RNF20: variants seen among roughly 807,000 people sequenced by gnomAD.
RNF20 encodes E3 ubiquitin-protein ligase BRE1A.
A neutral mutation model predicts 126.2 loss-of-function variants in RNF20; 84 were observed. The observed-to-expected ratio is 0.67, with a 90% CI of 0.56 to 0.80. The LOEUF (loss-of-function observed/expected upper bound fraction) is 0.80, where lower values mean the gene tolerates loss of function less well. Among genes scored for constraint, RNF20 ranks in the 30% least tolerant of loss-of-function variants. RNF20 has a pLI of 0.00. For missense variants in RNF20, 869 were observed against 1,188.2 expected (o/e 0.73, Z 3.95); for synonymous variants, 400 against 414.3 (o/e 0.97, Z 0.42).
At chr9:101,552,807 TC>T in intron 13 of RNF20, 54 bp downstream of exon 13, 1 of 1,501,990 alleles carries the variant, frequency 6.7e-7, no homozygotes, top group Non-Finnish European at 9.0e-7. Flanking sequence ...GATTAAGACA[TC>T]ATGCATGAAA....
intron 18 of RNF20, 138 bp downstream of exon 18, chr9:101,561,368 A>G (rs1827626552): frequency 2.2e-6 from 2 of 900,060 alleles, no homozygotes; most frequent in South Asian, 3.3e-5. Context: ...GAAGAGAGTA[A>G]GTCTGTTTTC....
intron 5 of RNF20, among the ~76,000 whole-genome samples, chr9:101,541,217 G>T (rs571903381): frequency 6.8e-4 from 103 of 152,200 alleles, no homozygotes; most frequent in Non-Finnish European, 1.1e-3. Flanking sequence ...CTATAGGCAC[G>T]TACTACCACA....
chr9:101,547,107 C>G (rs771273855), intron 7 of RNF20, 30 bp from the exon 8 acceptor site: 1 of 1,608,162 alleles, frequency 6.2e-7, no homozygotes, highest in Non-Finnish European at 8.5e-7. Context: ...TTAAGAGTCT[C>G]TCACTAAAGA....
chr9:101,552,453 C>T lies in RNF20; in HGVS notation c.1601C>T (p.Ala534Val), dbSNP rs570939959. The change falls in exon 13 of 20, where the codon GCG becomes GTG. Residue 534 changes from alanine to valine, a missense_variant. By Grantham distance (64) the Ala-to-Val change is moderately conservative (BLOSUM62 0). This residue lies in a region of RNF20 where 231 missense variants were observed against 263.6 expected (regional missense o/e 0.88). Transcript: ENST00000389120. ...ACTGAGGACCCGAAGGATGAGCCTG[C>T]GGAGCTAAAACCAGATTCTGAGGAC... is the stretch of plus-strand genomic sequence containing the variant. ...SSTEDPKDEP[A>V]ELKPDSEDLS... The T allele has an allele frequency of 2.3e-5, 37 of 1,612,962 alleles. No homozygotes were observed. The East Asian group carries it at 6.5e-4, about 28-fold the overall frequency.
chr9:101,557,718 A>G, intron 16 of RNF20, 122 bp downstream of exon 16: 2 of 666,050 alleles, frequency 3.0e-6, no homozygotes, highest in South Asian at 2.0e-5. Flanking sequence ...TGAAAACTAA[A>G]TGTTCATCAT....
chr9:101,552,289 C>A (rs371693064), intron 12 of RNF20, 27 bp downstream of exon 12: 37 of 1,613,882 alleles, frequency 2.3e-5, no homozygotes, highest in South Asian at 6.6e-5. Context: ...GAATAAATAT[C>A]ATTTGCTATT....
chr9:101,542,690 A>G (rs1279720080), intron 5 of RNF20, among the ~76,000 whole-genome samples: 3 of 152,238 alleles, frequency 2.0e-5, no homozygotes, highest in Non-Finnish European at 4.4e-5. Flanking sequence ...ATGTGCATAG[A>G]CTATGTTAAA....
chr9:101,544,049 CTT>C (rs1359226999), intron 5 of RNF20, among the ~76,000 whole-genome samples: 1 of 149,986 alleles, frequency 6.7e-6, no homozygotes, highest in African/African-American at 2.5e-5. Context: ...TGATAACTCT[CTT>C]TGATGGGTGG....
intron 16 of RNF20, among the ~76,000 whole-genome samples, chr9:101,557,801 T>C (rs1001589532): frequency 7.9e-5 from 12 of 152,328 alleles, no homozygotes; most frequent in African/African-American, 2.2e-4. Flanking sequence ...TTGTCAAATA[T>C]GGATCTGCTA....
At position 101,540,388 on chromosome 9, in the gene RNF20, T is replaced by C. The variant is rs1294310132; in HGVS notation, c.297+18T>C. On this transcript the variant is annotated intron_variant, in intron 3 of 19. Transcript: ENST00000389120. ...GGAGTCAGGTAGCTAACTTGTTTATTTGTTCAGATTTTTATTTGACCAATT... is the reference window on the plus strand; with the variant it reads ...GGAGTCAGGTAGCTAACTTGTTTATCTGTTCAGATTTTTATTTGACCAATT... 1.2e-6 allele frequency: 2 copies of C among 1,613,738 alleles called. No homozygotes were observed. Among genetic ancestry groups the C allele is most frequent in the Admixed American group, 3.3e-5 (2 of 60,008 alleles).
intron 14 of RNF20, among the ~76,000 whole-genome samples, chr9:101,554,311 A>G (rs562781490): frequency 6.6e-6 from 1 of 152,348 alleles, no homozygotes; most frequent in African/African-American, 2.4e-5. Context: ...TACTGGGGTT[A>G]TGAGTAGGCT....
At chr9:101,547,370 T>A in intron 8 of RNF20, 29 bp from the exon 9 acceptor site, 1 of 1,612,182 alleles carries the variant, frequency 6.2e-7, no homozygotes, top group Non-Finnish European at 8.5e-7. Context: ...GAATACTTAT[T>A]TATTCTCTAT....
At chr9:101,544,398 A>G (rs1827314099) in intron 5 of RNF20, among the ~76,000 whole-genome samples, 1 of 152,188 alleles carries the variant, frequency 6.6e-6, no homozygotes, top group Non-Finnish European at 1.5e-5. Flanking sequence ...GGCCAAGGAT[A>G]CACAGTTTTA....
chr9:101,540,426 C>G, intron 3 of RNF20, 56 bp downstream of exon 3: 1 of 1,611,048 alleles, frequency 6.2e-7, no homozygotes, highest in Non-Finnish European at 8.5e-7. Flanking sequence ...GTTCTCCTTA[C>G]TGTTCTCTTC....
rs529545621 is a variant in RNF20, at chr9:101,539,590, C to T, written c.130-613C>T. Among the ~76,000 whole-genome samples, 133 of 152,226 alleles carry T rather than the reference C, an allele frequency of 8.7e-4. 1 individual carries two copies. The Middle Eastern group carries it at 0.031, about 35-fold the overall frequency. On this transcript the variant is annotated intron_variant, in intron 2 of 19. Coordinates refer to ENST00000389120, the MANE Select transcript of RNF20 (RefSeq NM_019592.7). Reference sequence around the variant, plus strand: ...TAAGGGCATGAGATACCTGGAAAGACGTGGTGTTTTTCAGGGAATGGGAAG... The same window carrying T: ...TAAGGGCATGAGATACCTGGAAAGATGTGGTGTTTTTCAGGGAATGGGAAG...
At chr9:101,560,120 A>G (rs564686271) in intron 16 of RNF20, among the ~76,000 whole-genome samples, 253 of 152,236 alleles carry the variant, frequency 1.7e-3, no homozygotes, top group African/African-American at 5.5e-3. Flanking sequence ...AGGATGCTGG[A>G]TTTTGTCAAA....
At chr9:101,551,993 C>A (rs889871110) in intron 11 of RNF20, 148 bp from the exon 12 acceptor site, 8 of 1,284,764 alleles carry the variant, frequency 6.2e-6, no homozygotes, top group African/African-American at 1.5e-5. Context: ...CTCAAGTTGA[C>A]CAGTTTTGTT....
chr9:101,534,909 C>CTTT (rs200245240), intron 1 of RNF20, among the ~76,000 whole-genome samples: 1 of 139,818 alleles, frequency 7.2e-6, no homozygotes, highest in Admixed American at 7.2e-5. Context: ...CCTTGACTTT[C>CTTT]TTTTTTTTTT....
At chr9:101,549,005 G>A (rs1198500244) in intron 9 of RNF20, among the ~76,000 whole-genome samples, 4 of 152,230 alleles carry the variant, frequency 2.6e-5, no homozygotes, top group Non-Finnish European at 4.4e-5. Flanking sequence ...AACCTGCCCA[G>A]AAGAATTTTC....
Sources: gnomAD v4.1 joint callset for allele counts (sites outside exome capture counted in the v4.1 genomes callset) on GRCh38, gnomAD v4.1.1 for gene constraint, gnomAD v4.1.1 regional missense constraint, MANE v1.5 for transcripts, NCBI Gene and HGNC (gene_info 2026-07-23, HGNC 2026-07-21) for gene names.